COL25A1: variants seen among roughly 807,000 people sequenced by gnomAD.
COL25A1 encodes the protein collagen type XXV alpha 1 chain.
In COL25A1, 103 loss-of-function variants were observed where a neutral mutation model predicts 128.4. That is an observed-to-expected ratio of 0.80 (90% CI 0.68 to 0.94). The LOEUF (loss-of-function observed/expected upper bound fraction) is 0.94. Among genes scored for constraint, COL25A1 ranks in the 40% least tolerant of loss-of-function variants. The pLI, the probability that COL25A1 is intolerant of heterozygous loss-of-function variation, is 0.00. For missense variants in COL25A1, 745 were observed against 840.0 expected (o/e 0.89, Z 1.40); for synonymous variants, 279 against 277.2 (o/e 1.01, Z -0.06).
At chr4:109,026,913 C>A (rs1758353754) in intron 5 of COL25A1, among the ~76,000 whole-genome samples, 1 of 152,180 alleles carries the variant, frequency 6.6e-6, no homozygotes, top group African/African-American at 2.4e-5. Context: ...AGAATAAATA[C>A]AGATCAATTT....
chr4:108,947,761 G>T (rs10023653), intron 8 of COL25A1, among the ~76,000 whole-genome samples: 6,629 of 152,200 alleles, frequency 0.044, 373 homozygotes, highest in African/African-American at 0.13. Flanking sequence ...TAACTCATAA[G>T]AAGAACAGGT....
At chr4:108,858,536 C>A (rs1157614627) in intron 24 of COL25A1, among the ~76,000 whole-genome samples, 1 of 152,054 alleles carries the variant, frequency 6.6e-6, no homozygotes, top group Non-Finnish European at 1.5e-5. Flanking sequence ...AAACCGGTCA[C>A]TTAAAAAAGG....
intron 5 of COL25A1, among the ~76,000 whole-genome samples, chr4:109,036,876 C>T (rs1352499626): frequency 6.6e-6 from 1 of 152,180 alleles, no homozygotes; most frequent in Non-Finnish European, 1.5e-5. Flanking sequence ...GAACTGTATG[C>T]CAACTGGTTG....
intron 34 of COL25A1, 85 bp from the exon 35 acceptor site, chr4:108,824,312 T>C: frequency 2.1e-6 from 2 of 939,406 alleles, no homozygotes; most frequent in Non-Finnish European, 3.3e-6. Flanking sequence ...GGATTTTACA[T>C]TTCTGAGCTT....
chr4:108,893,160 G>C (rs1244204012), intron 16 of COL25A1, among the ~76,000 whole-genome samples: 1 of 152,108 alleles, frequency 6.6e-6, no homozygotes, highest in East Asian at 1.9e-4. Context: ...TGTGAAGTAT[G>C]AAGATGAAGA....
intron 13 of COL25A1, among the ~76,000 whole-genome samples, chr4:108,904,109 T>A (rs981572178): frequency 1.3e-5 from 2 of 152,090 alleles, no homozygotes; most frequent in Non-Finnish European, 2.9e-5. Context: ...GAAAAGAATA[T>A]AAACGATAAA....
chr4:109,014,026 G>T (rs1756967626), intron 5 of COL25A1, among the ~76,000 whole-genome samples: 1 of 152,198 alleles, frequency 6.6e-6, no homozygotes, highest in Non-Finnish European at 1.5e-5. Flanking sequence ...TGAACATGTG[G>T]CTGGGTGTGG....
intron 6 of COL25A1, among the ~76,000 whole-genome samples, chr4:108,978,046 T>C (rs1752606798): frequency 6.6e-6 from 1 of 152,226 alleles, no homozygotes; most frequent in Non-Finnish European, 1.5e-5. Context: ...AGACAACCCT[T>C]TTCCTCAAAG....
At chr4:109,240,776 G>A (rs1779847424) in intron 3 of COL25A1, among the ~76,000 whole-genome samples, 1 of 152,036 alleles carries the variant, frequency 6.6e-6, no homozygotes, top group Non-Finnish European at 1.5e-5. Flanking sequence ...CTTCTTAAGT[G>A]ACCTTATAGG....
At chr4:108,899,726 A>G (rs1742592672) in intron 14 of COL25A1, among the ~76,000 whole-genome samples, 1 of 152,112 alleles carries the variant, frequency 6.6e-6, no homozygotes, top group Admixed American at 6.6e-5. Context: ...GCTTCTGGTA[A>G]AGAGCATGTT....
chr4:108,907,428 C>T (rs1182771701), intron 13 of COL25A1, among the ~76,000 whole-genome samples: 1 of 152,268 alleles, frequency 6.6e-6, no homozygotes, highest in South Asian at 2.1e-4. Context: ...GTAGCTGGGA[C>T]GATGCTGGTT....
intron 5 of COL25A1, among the ~76,000 whole-genome samples, chr4:109,013,286 AG>A (rs1204423340): frequency 6.6e-6 from 1 of 152,172 alleles, no homozygotes; most frequent in African/African-American, 2.4e-5. Context: ...TTTTACATCT[AG>A]CTAGAGGATT....
At chr4:108,895,938 CTTTTTT>C (rs35506597) in intron 16 of COL25A1, among the ~76,000 whole-genome samples, 2 of 70,822 alleles carry the variant, frequency 2.8e-5, no homozygotes, top group Non-Finnish European at 2.5e-5. Flanking sequence ...TATAATCAAA[CTTTTTT>C]TTTTTTTTTT....
In COL25A1 at chr4:109,048,190, G is replaced by A; in HGVS notation, c.413-15C>T. 1 of 1,610,418 alleles carries A rather than the reference G, an allele frequency of 6.2e-7. No individual in the cohort carries two copies. Among genetic ancestry groups the A allele is most frequent in the Non-Finnish European group, 8.5e-7 (1 of 1,176,950 alleles). On this transcript the variant is annotated splice_polypyrimidine_tract_variant and intron_variant, in intron 4 of 37. Coordinates refer to ENST00000399132, the MANE Select transcript of COL25A1 (RefSeq NM_198721.4). The stretch of plus-strand genomic sequence containing the variant: ...TACAGGAGGACCTATGGGGGGAGCA[G>A]GTGGAGAGAGAAGAGAGAGAGAGGA...
chr4:109,163,822 A>C (rs1423226709), intron 3 of COL25A1, among the ~76,000 whole-genome samples: 1 of 152,192 alleles, frequency 6.6e-6, no homozygotes, highest in Non-Finnish European at 1.5e-5. Flanking sequence ...TGCACCAAAG[A>C]GTCATTTTTA....
intron 5 of COL25A1, among the ~76,000 whole-genome samples, chr4:109,026,191 A>ATT (rs1321461267): frequency 6.6e-6 from 1 of 151,924 alleles, no homozygotes; most frequent in East Asian, 1.9e-4. Context: ...CTGGGTTAAG[A>ATT]ACCCCTGACT....
intron 11 of COL25A1, among the ~76,000 whole-genome samples, chr4:108,934,507 A>C (rs1289621312): frequency 6.6e-6 from 1 of 152,114 alleles, no homozygotes; most frequent in Non-Finnish European, 1.5e-5. Flanking sequence ...AAAAGAGAAA[A>C]AAAGAAAAAT....
At chr4:109,299,008 G>A (rs1399033551) in intron 3 of COL25A1, among the ~76,000 whole-genome samples, 1 of 152,198 alleles carries the variant, frequency 6.6e-6, no homozygotes, top group South Asian at 2.1e-4. Context: ...TTAGACTTCA[G>A]TAGCTAGCCT....
intron 6 of COL25A1, among the ~76,000 whole-genome samples, chr4:108,980,075 T>C (rs1407010965): frequency 2.8e-4 from 42 of 151,870 alleles, no homozygotes. Flanking sequence ...AGATAGAAAA[T>C]AGCAGGAAAG....
Sources: allele counts gnomAD v4.1 joint callset (sites outside exome capture counted in the v4.1 genomes callset), GRCh38; gene constraint gnomAD v4.1.1; transcripts MANE v1.5; gene names NCBI Gene and HGNC (gene_info 2026-07-23, HGNC 2026-07-21).